Variants in PLEKHG1 observed in about 807,000 individuals in gnomAD.
PLEKHG1 encodes pleckstrin homology and RhoGEF domain containing G1.
A neutral mutation model predicts 100.8 loss-of-function variants in PLEKHG1; 44 were observed. The observed-to-expected ratio is 0.44, with a 90% CI of 0.34 to 0.56. The LOEUF is 0.56. Among genes scored for constraint, PLEKHG1 ranks in the 20% least tolerant of loss-of-function variants. The pLI is 0.01. For missense variants in PLEKHG1, 1,545 were observed against 1,720.9 expected, an observed-to-expected ratio of 0.90 and a Z score of 1.81; for synonymous variants, 640 against 662.5, an observed-to-expected ratio of 0.97 and a Z score of 0.52.
At chr6:150,758,388 G>C (rs150185244) in intron 2 of PLEKHG1, among the ~76,000 whole-genome samples, 4,268 of 151,322 alleles carry the variant, frequency 0.028, 72 homozygotes, top group South Asian at 0.062. Context: ...CCAGGTTGGA[G>C]TGCAATGGCA....
At chr6:150,645,227 A>G (rs1386524223) in intron 2 of PLEKHG1, among the ~76,000 whole-genome samples, 2 of 152,226 alleles carry the variant, frequency 1.3e-5, no homozygotes, top group African/African-American at 4.8e-5. Flanking sequence ...TGGAAAGAAT[A>G]AATTAGTAAA....
chr6:150,702,621 T>C (rs952267552), intron 3 of PLEKHG1, among the ~76,000 whole-genome samples: 1 of 149,122 alleles, frequency 6.7e-6, no homozygotes, highest in Non-Finnish European at 1.5e-5. Context: ...AGTACCCAAA[T>C]TGTACCCTTC....
chr6:150,612,379 C>T lies in PLEKHG1; in HGVS notation c.-204+12362C>T, dbSNP rs188525081. Among the ~76,000 whole-genome samples the T allele has an allele frequency of 1.7e-4, 26 of 152,288 alleles. No homozygotes were observed. The East Asian group carries it at 4.6e-3, about 27-fold the overall frequency. Reference sequence around the variant, plus strand: ...AGAGTCTCTCTCTCTGTTGCCCAGGCTGGAGTGCAGTGGCATGATCTCGGT... The same window carrying T: ...AGAGTCTCTCTCTCTGTTGCCCAGGTTGGAGTGCAGTGGCATGATCTCGGT... On this transcript the variant is annotated intron_variant, in intron 1 of 3. Coordinates refer to the PLEKHG1 transcript ENST00000367326.
At position 150,832,681 on chromosome 6, in the gene PLEKHG1, C is replaced by CTTTT. The variant is rs66957918; in HGVS notation, c.3094+491_3094+494dup. 7.2e-5 allele frequency among the ~76,000 whole-genome samples: 9 copies of CTTTT among 125,446 alleles called. 1 individual carries two copies. Among genetic ancestry groups the CTTTT allele is most frequent in the Middle Eastern group, 4.1e-3 (1 of 246 alleles). The allele number at this position is 125,446 out of a possible 152,430, so 82.3% of individuals were successfully genotyped here. ...ACAAAAAGAGGGGTTTTTTTGCATACTTTTTTTTTTTTTTTTTTGAGACAG... is the reference window on the plus strand; with the variant it reads ...ACAAAAAGAGGGGTTTTTTTGCATACTTTTTTTTTTTTTTTTTTTTTTGAGACAG... On this transcript the variant is annotated intron_variant, in intron 15 of 15. Coordinates refer to ENST00000358517, the Ensembl canonical transcript of PLEKHG1.
At chr6:150,606,048 A>G (rs1293695884) in intron 1 of PLEKHG1, among the ~76,000 whole-genome samples, 5 of 152,234 alleles carry the variant, frequency 3.3e-5, no homozygotes, top group African/African-American at 1.2e-4. Context: ...CCTGAGAAAA[A>G]TAATAATATA....
At chr6:150,688,938 T>TA (rs1217796327) in intron 3 of PLEKHG1, among the ~76,000 whole-genome samples, 2 of 152,238 alleles carry the variant, frequency 1.3e-5, no homozygotes, top group Non-Finnish European at 2.9e-5. Flanking sequence ...TCAGTGGCAT[T>TA]AGTTGTATTC....
At chr6:150,826,136 C>T (rs1014970390) in intron 14 of PLEKHG1, among the ~76,000 whole-genome samples, 2 of 151,196 alleles carry the variant, frequency 1.3e-5, no homozygotes, top group Non-Finnish European at 2.9e-5. Context: ...GAGCTGAAAT[C>T]GTGCCATTGC....
chr6:150,783,183 AAAAG>A (rs1785420761), intron 3 of PLEKHG1, among the ~76,000 whole-genome samples: 2 of 151,414 alleles, frequency 1.3e-5, no homozygotes, highest in South Asian at 2.1e-4. Flanking sequence ...AAAAAAAAAA[AAAAG>A]GGAAATAAAG....
intron 1 of PLEKHG1, among the ~76,000 whole-genome samples, chr6:150,727,949 A>G (rs1782043059): frequency 6.6e-6 from 1 of 152,220 alleles, no homozygotes; most frequent in African/African-American, 2.4e-5. Context: ...TCTTTCACTC[A>G]AGGCAAGTGA....
At chr6:150,729,905 T>G (rs1253803547) in intron 1 of PLEKHG1, among the ~76,000 whole-genome samples, 1 of 152,126 alleles carries the variant, frequency 6.6e-6, no homozygotes, top group Non-Finnish European at 1.5e-5. Flanking sequence ...TTCCACTCTT[T>G]CCCACCTTTG....
At chr6:150,731,249 A>T (rs965647745) in intron 1 of PLEKHG1, among the ~76,000 whole-genome samples, 7 of 152,168 alleles carry the variant, frequency 4.6e-5, no homozygotes, top group Non-Finnish European at 1.0e-4. Context: ...TAACCAATTC[A>T]TGTTTTATAG....
intron 3 of PLEKHG1, among the ~76,000 whole-genome samples, chr6:150,690,020 T>C (rs1780288084): frequency 6.6e-6 from 1 of 152,118 alleles, no homozygotes; most frequent in South Asian, 2.1e-4. Flanking sequence ...ATGTGTTGAA[T>C]ATTATAAGCA....
intron 5 of PLEKHG1, among the ~76,000 whole-genome samples, chr6:150,799,623 AG>A (rs1472853778): frequency 6.6e-6 from 1 of 152,232 alleles, no homozygotes; most frequent in Non-Finnish European, 1.5e-5. Flanking sequence ...AAATGTTCCT[AG>A]GTTACATGAT....
chr6:150,832,945 G>A (rs948352678), intron 15 of PLEKHG1, among the ~76,000 whole-genome samples: 3 of 151,374 alleles, frequency 2.0e-5, no homozygotes, highest in Non-Finnish European at 4.4e-5. Flanking sequence ...CCAAAGGGCT[G>A]GGATTACAGG....
chr6:150,658,947 AT>A (rs1232913138), intron 3 of PLEKHG1, among the ~76,000 whole-genome samples: 1 of 152,180 alleles, frequency 6.6e-6, no homozygotes, highest in African/African-American at 2.4e-5. Context: ...CATTAATTGG[AT>A]TTTACAGATT....
chr6:150,811,509 G>T (rs552413799), intron 10 of PLEKHG1, among the ~76,000 whole-genome samples: 1 of 152,192 alleles, frequency 6.6e-6, no homozygotes, highest in African/African-American at 2.4e-5. Flanking sequence ...GGGTTCAAGT[G>T]ATCTGCCTGC....
chr6:150,756,511 C>T (rs977136978), intron 2 of PLEKHG1, among the ~76,000 whole-genome samples: 2 of 152,140 alleles, frequency 1.3e-5, no homozygotes, highest in African/African-American at 4.8e-5. Flanking sequence ...ATTCATCTGC[C>T]TTGACAAACC....
intron 1 of PLEKHG1, among the ~76,000 whole-genome samples, chr6:150,621,409 CTG>C (rs1315668385): frequency 6.7e-6 from 1 of 148,598 alleles, no homozygotes; most frequent in African/African-American, 2.5e-5. Flanking sequence ...GAGTCTCACT[CTG>C]TTGCCCAGGC....
chr6:150,826,200 G>T (rs1776594646), intron 14 of PLEKHG1, among the ~76,000 whole-genome samples: 1 of 152,108 alleles, frequency 6.6e-6, no homozygotes, highest in African/African-American at 2.4e-5. Flanking sequence ...GCTCACACCT[G>T]TAATCCCGGC....
Sources: gnomAD v4.1 joint callset for allele counts (sites outside exome capture counted in the v4.1 genomes callset) on GRCh38, gnomAD v4.1.1 for gene constraint, MANE v1.5 for transcripts, NCBI Gene and HGNC (gene_info 2026-07-23, HGNC 2026-07-21) for gene names.